Variants in ATP1B3 observed in about 807,000 individuals in gnomAD.
ATP1B3 encodes the protein ATPase Na+/K+ transporting subunit beta 3.
In ATP1B3, 10 loss-of-function variants were observed where a neutral mutation model predicts 30.2. The ratio of observed to expected loss-of-function variants is 0.33; its 90% CI spans 0.20 to 0.56. ATP1B3 has a LOEUF of 0.56. Among genes scored for constraint, ATP1B3 ranks in the 20% least tolerant of loss-of-function variants. The pLI is 0.90. For synonymous variants in ATP1B3, 113 were observed against 117.0 expected, an observed-to-expected ratio of 0.97 and a Z score of 0.22; for missense variants, 238 against 336.7, an observed-to-expected ratio of 0.71 and a Z score of 2.29.
chr3:141,907,299 G>A (rs1298663506), intron 3 of ATP1B3, 25 bp downstream of exon 3: 2 of 1,578,468 alleles, frequency 1.3e-6, no homozygotes, highest in Non-Finnish European at 1.7e-6. Flanking sequence ...TTAGAGTAAG[G>A]TCAGAGATTT....
chr3:141,915,316 G>A (rs1157449565), intron 4 of ATP1B3, among the ~76,000 whole-genome samples: 2 of 152,206 alleles, frequency 1.3e-5, no homozygotes, highest in Non-Finnish European at 1.5e-5. Flanking sequence ...CAGTTAGGAC[G>A]CAACAATACT....
chr3:141,887,263 T>TA (rs1933853014), intron 1 of ATP1B3, among the ~76,000 whole-genome samples: 1 of 152,192 alleles, frequency 6.6e-6, no homozygotes, highest in Admixed American at 6.5e-5. Context: ...CTTTAGAAGT[T>TA]AGAGTTGGTG....
intron 1 of ATP1B3, among the ~76,000 whole-genome samples, chr3:141,892,526 C>T (rs181639437): frequency 6.6e-6 from 1 of 151,948 alleles, no homozygotes; most frequent in Non-Finnish European, 1.5e-5. Flanking sequence ...GGCGCAGTGA[C>T]ACACGCCTGT....
intron 1 of ATP1B3, among the ~76,000 whole-genome samples, chr3:141,883,939 G>A (rs1370214285): frequency 6.6e-6 from 1 of 152,142 alleles, no homozygotes; most frequent in Non-Finnish European, 1.5e-5. Context: ...TTTGTGACAT[G>A]CCTGGATCAC....
intron 6 of ATP1B3, among the ~76,000 whole-genome samples, chr3:141,925,226 G>A (rs1414966400): frequency 6.6e-6 from 1 of 152,162 alleles, no homozygotes; most frequent in Non-Finnish European, 1.5e-5. Context: ...CAGCACTTTG[G>A]GAGGGTGAGG....
chr3:141,888,221 A>G (rs956950368), intron 1 of ATP1B3, among the ~76,000 whole-genome samples: 2 of 152,198 alleles, frequency 1.3e-5, no homozygotes, highest in East Asian at 3.8e-4. Flanking sequence ...TGCATGGGTA[A>G]ACATTCCTAA....
intron 2 of ATP1B3, among the ~76,000 whole-genome samples, chr3:141,905,349 G>T (rs1255008988): frequency 1.3e-5 from 2 of 152,120 alleles, no homozygotes; most frequent in East Asian, 3.9e-4. Flanking sequence ...TAGAGAGGTG[G>T]TACTGTGAAT....
chr3:141,924,753 G>A (rs1299508791), intron 6 of ATP1B3, among the ~76,000 whole-genome samples: 10 of 151,972 alleles, frequency 6.6e-5, no homozygotes, highest in African/African-American at 1.7e-4. Flanking sequence ...TCAGGAGATC[G>A]AGACTATCCT....
chr3:141,917,431 C>T (rs999739333), intron 5 of ATP1B3, among the ~76,000 whole-genome samples: 33 of 151,916 alleles, frequency 2.2e-4, no homozygotes, highest in Non-Finnish European at 3.2e-4. Flanking sequence ...TGCAGTGGCT[C>T]GCGCCTGTAA....
intron 5 of ATP1B3, among the ~76,000 whole-genome samples, chr3:141,918,548 C>T (rs961743133): frequency 1.3e-5 from 2 of 151,826 alleles, no homozygotes; most frequent in South Asian, 2.1e-4. Flanking sequence ...AAGCGATTCT[C>T]CTGCCTCAGC....
intron 5 of ATP1B3, among the ~76,000 whole-genome samples, chr3:141,921,249 T>C (rs549757945): frequency 9.8e-5 from 15 of 152,312 alleles, no homozygotes; most frequent in Non-Finnish European, 2.1e-4. Flanking sequence ...TTTCATAAAT[T>C]GCTTATTTAT....
chr3:141,902,368 C>A, intron 1 of ATP1B3: 3 of 549,260 alleles, frequency 5.5e-6, no homozygotes, highest in East Asian at 6.8e-5. Flanking sequence ...GCTTTCAGCA[C>A]AATCTGTTTT....
In ATP1B3 at chr3:141,907,247, A is replaced by T; in HGVS notation, c.319A>T (p.Ile107Phe). ...RSDPTSYAGY[I>F]EDLKKFLKPY... ...TGATCCAACTTCGTATGCAGGGTAC[A>T]TTGAAGACCTTAAGAAGTTTCTAAA... Residue 107 changes from isoleucine to phenylalanine, a missense_variant, in exon 3 of 7, where the codon ATT becomes TTT. By Grantham distance (21) the Ile-to-Phe change is conservative. Transcript: ENST00000286371. 2 of 1,611,900 alleles carry T rather than the reference A, an allele frequency of 1.2e-6. No individual in the cohort carries two copies. The highest frequency in any genetic ancestry group is 1.7e-6 in the Non-Finnish European group (2 of 1,179,100).
chr3:141,884,340 C>G (rs553703586), intron 1 of ATP1B3, among the ~76,000 whole-genome samples: 1 of 152,304 alleles, frequency 6.6e-6, no homozygotes, highest in Non-Finnish European at 1.5e-5. Context: ...TTGGCAGTAT[C>G]TGGCTCATAA....
At chr3:141,907,127 G>T in intron 2 of ATP1B3, 40 bp from the exon 3 acceptor site, 1 of 1,469,752 alleles carries the variant, frequency 6.8e-7, no homozygotes, top group Non-Finnish European at 9.4e-7. Flanking sequence ...GAAAAGAAGA[G>T]AAGGAAATTT....
At position 141,913,757 on chromosome 3, in the gene ATP1B3, T is replaced by C. The variant is rs1473069145; in HGVS notation, c.452T>C (p.Leu151Pro). The change falls in exon 4 of 7, where the codon CTT becomes CCT. Residue 151 changes from leucine to proline, a missense_variant. Transcript: ENST00000286371. ...YVACQFPISL[L>P]QACSGMNDPD... is the part of the protein sequence containing the mutation. Reference sequence around the variant, plus strand: ...GCATGTCAGTTTCCTATTTCATTACTTCAAGCATGCAGTGGTATGAATGAT... The same window carrying C: ...GCATGTCAGTTTCCTATTTCATTACCTCAAGCATGCAGTGGTATGAATGAT... 6.2e-7 allele frequency: 1 copy of C among 1,613,978 alleles called. No individual in the cohort carries two copies. Among genetic ancestry groups the C allele is most frequent in the Non-Finnish European group, 8.5e-7 (1 of 1,179,984 alleles).
At chr3:141,910,783 CTT>C (rs67244663) in intron 3 of ATP1B3, among the ~76,000 whole-genome samples, 11 of 150,122 alleles carry the variant, frequency 7.3e-5, no homozygotes, top group South Asian at 2.1e-4. Context: ...CTGCCCCCCC[CTT>C]TTTTTTAATT....
chr3:141,919,407 G>A (rs1002258099), intron 5 of ATP1B3, among the ~76,000 whole-genome samples: 12 of 151,904 alleles, frequency 7.9e-5, no homozygotes, highest in Middle Eastern at 3.2e-3. Context: ...GTGAACCACC[G>A]CAGATGGCCA....
At chr3:141,895,034 T>C (rs1934033921) in intron 1 of ATP1B3, among the ~76,000 whole-genome samples, 1 of 152,068 alleles carries the variant, frequency 6.6e-6, no homozygotes, top group African/African-American at 2.4e-5. Context: ...ATGATCTTAA[T>C]GGGACTATTG....
Sources: gnomAD v4.1 joint callset for allele counts (sites outside exome capture counted in the v4.1 genomes callset) on GRCh38, gnomAD v4.1.1 for gene constraint, MANE v1.5 for transcripts, NCBI Gene and HGNC (gene_info 2026-07-23, HGNC 2026-07-21) for gene names.